The following DZIP1L variants were observed in gnomAD, a reference collection of about 807,000 sequenced individuals.
DZIP1L encodes DAZ interacting zinc finger protein 1 like.
DZIP1L carries 90 observed loss-of-function variants against 88.7 expected under a neutral mutation model. The observed-to-expected ratio is 1.02, with a 90% CI of 0.86 to 1.21. The LOEUF is 1.21. DZIP1L is among the 50% of genes most tolerant of loss of function. The pLI, the probability that DZIP1L is intolerant of heterozygous loss-of-function variation, is 0.00. For missense variants in DZIP1L, 932 were observed against 955.8 expected, an observed-to-expected ratio of 0.98 and a Z score of 0.33; for synonymous variants, 363 against 372.1, an observed-to-expected ratio of 0.98 and a Z score of 0.28.
At chr3:138,087,051 G>A (rs756740701) in intron 6 of DZIP1L, 28 bp from the exon 7 acceptor site, 1 of 1,610,714 alleles carries the variant, frequency 6.2e-7, no homozygotes, top group East Asian at 2.2e-5. Context: ...CTTATCAAAT[G>A]GGCCCTTGCA....
chr3:138,072,209 T>G (rs1326049367), intron 11 of DZIP1L, among the ~76,000 whole-genome samples: 1 of 152,200 alleles, frequency 6.6e-6, no homozygotes, highest in East Asian at 1.9e-4. Context: ...TTACTATTAT[T>G]ATGCCAAACA....
intron 1 of DZIP1L, among the ~76,000 whole-genome samples, chr3:138,104,599 G>A (rs28688286): frequency 2.6e-5 from 4 of 152,148 alleles, no homozygotes; most frequent in Non-Finnish European, 4.4e-5. Flanking sequence ...AATGGAACAC[G>A]AGTGAACTAC....
At chr3:138,107,344 C>T (rs905784156) in intron 1 of DZIP1L, among the ~76,000 whole-genome samples, 1 of 152,150 alleles carries the variant, frequency 6.6e-6, no homozygotes, top group African/African-American at 2.4e-5. Context: ...AATTCAGTCC[C>T]CTTCCCTCTT....
intron 9 of DZIP1L, 121 bp downstream of exon 9, chr3:138,081,608 TACATG>T: frequency 1.1e-6 from 1 of 945,450 alleles, no homozygotes; most frequent in Non-Finnish European, 1.6e-6. Flanking sequence ...AGCCTGACAC[TACATG>T]TCCACAGGCT....
intron 2 of DZIP1L, 41 bp downstream of exon 2, chr3:138,103,430 C>T: frequency 6.4e-7 from 1 of 1,556,830 alleles, no homozygotes. Flanking sequence ...GGCTGGGGCA[C>T]ACAGCCCTCC....
rs1425653559 is a variant in DZIP1L at position 138,063,299 on chromosome 3, C to A, written c.2143-322G>T. On this transcript the variant is annotated intron_variant, in intron 15 of 15. Transcript: ENST00000327532. The surrounding 1 kb of genome is among the most constrained non-coding windows in gnomAD (Gnocchi z 4.1). ...CAACTTTGGGCAGATTTTTAACTCC[C>A]TCTTGGACAGAGCCAGAAGCCCAGA... Among the ~76,000 whole-genome samples the A allele has an allele frequency of 6.6e-6, 1 of 152,204 alleles. No individual in the cohort carries two copies. Among genetic ancestry groups the A allele is most frequent in the African/African-American group, 2.4e-5 (1 of 41,452 alleles).
chr3:138,108,807 CA>C (rs1270061129), intron 1 of DZIP1L, among the ~76,000 whole-genome samples: 1 of 152,202 alleles, frequency 6.6e-6, no homozygotes, highest in Non-Finnish European at 1.5e-5. Flanking sequence ...AAAGAAACCA[CA>C]GTACATGTGT....
At chr3:138,089,206 G>A (rs1944092109) in intron 5 of DZIP1L, 1 of 985,366 alleles carries the variant, frequency 1.0e-6, no homozygotes, top group Non-Finnish European at 1.2e-6. Context: ...TATCATTCTT[G>A]CTAACACTTC....
At position 138,080,600 on chromosome 3, in the gene DZIP1L, C is replaced by T. The variant is rs1283228053; in HGVS notation, c.1255G>A (p.Ala419Thr). ...KVEGIHKVPK[A>T]VDTEEDSPEE... is the part of the protein sequence containing the mutation. ...GGAGAGTCCTCCTCTGTGTCCACAG[C>T]CTTTGGCACCTTGTGGATCCCTGAA... The change falls in exon 10 of 16, where the codon GCT becomes ACT. Residue 419 changes from alanine (A) to threonine (T), a missense_variant. By Grantham distance (58) the Ala-to-Thr change is moderately conservative. Coordinates refer to ENST00000327532, the MANE Select transcript of DZIP1L (RefSeq NM_173543.3). 1.2e-6 allele frequency: 2 copies of T among 1,613,678 alleles called. No individual in the cohort carries two copies. The highest frequency in any genetic ancestry group is 1.7e-6 in the Non-Finnish European group (2 of 1,179,812).
chr3:138,104,006 G>A lies in DZIP1L; in HGVS notation c.-35C>T. ...AAGCCCTGAGCTGACCACCAGAGGA[G>A]GGGGGCACCAAGGCCACGGCAGTAG... On this transcript the variant is annotated 5_prime_UTR_variant, in exon 2 of 16. Transcript: ENST00000327532. 6.3e-7 allele frequency: 1 copy of A among 1,579,246 alleles called. No individual in the cohort carries two copies. The highest frequency in any genetic ancestry group is 8.6e-7 in the Non-Finnish European group (1 of 1,168,632).
intron 7 of DZIP1L, 61 bp from the exon 8 acceptor site, chr3:138,084,314 T>C: frequency 6.4e-7 from 1 of 1,573,046 alleles, no homozygotes; most frequent in South Asian, 1.2e-5. Context: ...GTGCCTGGTG[T>C]CTGCAGGCTC....
At chr3:138,076,060 G>A (rs913479591) in intron 11 of DZIP1L, among the ~76,000 whole-genome samples, 3 of 152,196 alleles carry the variant, frequency 2.0e-5, no homozygotes, top group African/African-American at 4.8e-5. Flanking sequence ...GGATCAGGAC[G>A]AGTGGCTGAG....
chr3:138,094,416 A>C (rs1394151297), intron 4 of DZIP1L, among the ~76,000 whole-genome samples: 1 of 152,216 alleles, frequency 6.6e-6, no homozygotes, highest in African/African-American at 2.4e-5. Context: ...GTGCTCAATA[A>C]ATGCATGCTG....
At position 138,084,256 on chromosome 3, in the gene DZIP1L, G is replaced by C; in HGVS notation, c.1063-3C>G. 6.2e-7 allele frequency: 1 copy of C among 1,613,212 alleles called. No homozygotes were observed. Among genetic ancestry groups the C allele is most frequent in the South Asian group, 1.1e-5 (1 of 90,990 alleles). On this transcript the variant is annotated splice_polypyrimidine_tract_variant and splice_region_variant and intron_variant, in intron 7 of 15. Coordinates refer to ENST00000327532, the MANE Select transcript of DZIP1L (RefSeq NM_173543.3). ...AGCCTCTGGTTCTCCTCCTGTAGCT[G>C]GCAGGCACAAGATGGCTGGTCAGTC... is the stretch of plus-strand genomic sequence containing the variant.
intron 11 of DZIP1L, among the ~76,000 whole-genome samples, 193 bp from the exon 12 acceptor site, chr3:138,072,028 G>T (rs2107746087): frequency 6.6e-6 from 1 of 152,330 alleles, no homozygotes; most frequent in Non-Finnish European, 1.5e-5. Context: ...AAAGTGCAAT[G>T]GTTCAGGGTT....
intron 2 of DZIP1L, chr3:138,101,827 C>T (rs1454633776): frequency 1.5e-5 from 19 of 1,246,182 alleles, no homozygotes; most frequent in South Asian, 8.4e-5. Flanking sequence ...ACGCAGCTGC[C>T]GCTCCATGTC....
intron 1 of DZIP1L, among the ~76,000 whole-genome samples, 164 bp from the exon 2 acceptor site, chr3:138,104,216 G>A (rs757208566): frequency 1.3e-5 from 2 of 152,242 alleles, no homozygotes; most frequent in East Asian, 1.9e-4. Flanking sequence ...AAGAAAACAT[G>A]GGCTTTGCAA....
chr3:138,076,280 G>A (rs2107757826), intron 11 of DZIP1L, among the ~76,000 whole-genome samples: 1 of 152,314 alleles, frequency 6.6e-6, no homozygotes, highest in Admixed American at 6.5e-5. Context: ...TGACATGGAT[G>A]TGGTGAAAAG....
Position 138,064,723 on chromosome 3 carries a change from C to CTA in DZIP1L, c.2045_2046dup (p.Glu683Ter). 6.2e-7 allele frequency: 1 copy of CTA among 1,605,074 alleles called. No individual in the cohort carries two copies. The highest frequency in any genetic ancestry group is 8.5e-7 in the Non-Finnish European group (1 of 1,176,722). Reference sequence around the variant, plus strand: ...CCAGCAGGCTTCTTTGCTGGAGCTTCTAGCTGCTTCTCCAGGTTTTTGACC... The same window carrying CTA: ...CCAGCAGGCTTCTTTGCTGGAGCTTCTATAGCTGCTTCTCCAGGTTTTTGACC... On this transcript the variant is annotated frameshift_variant, in exon 15 of 16. Transcript: ENST00000327532. LOFTEE classifies it high-confidence loss of function.
Sources: allele counts gnomAD v4.1 joint callset (sites outside exome capture counted in the v4.1 genomes callset), GRCh38; gene constraint gnomAD v4.1.1; non-coding constraint Gnocchi (gnomAD v3.1); transcripts MANE v1.5; gene names NCBI Gene and HGNC (gene_info 2026-07-23, HGNC 2026-07-21).